The following LRP1B variants were observed in gnomAD, a reference collection of about 807,000 sequenced individuals.
The protein encoded by LRP1B is LDL receptor related protein 1B, also known as low-density lipoprotein receptor-related protein 1B.
A neutral mutation model predicts 556.6 loss-of-function variants in LRP1B; 217 were observed. The ratio of observed to expected loss-of-function variants is 0.39; its 90% CI spans 0.35 to 0.44. The LOEUF is 0.44. Among genes scored for constraint, LRP1B ranks in the 20% least tolerant of loss-of-function variants. The pLI is 1.00. For missense variants in LRP1B, 5,053 were observed against 5,620.8 expected, an observed-to-expected ratio of 0.90 and a Z score of 3.23; for synonymous variants, 2,047 against 1,865.8, an observed-to-expected ratio of 1.10 and a Z score of -2.50.
chr2:141,327,922 A>G (rs1439691499), intron 3 of LRP1B, among the ~76,000 whole-genome samples: 1 of 152,102 alleles, frequency 6.6e-6, no homozygotes, highest in Non-Finnish European at 1.5e-5. Context: ...GACCTAGTAT[A>G]TAGGTGTGCA....
intron 43 of LRP1B, among the ~76,000 whole-genome samples, chr2:140,590,634 C>A (rs1463378863): frequency 1.3e-5 from 2 of 151,980 alleles, no homozygotes; most frequent in Admixed American, 6.6e-5. Context: ...CGTGAAGACA[C>A]AGTGAGAAGA....
At chr2:140,475,403 A>G (rs1687932268) in intron 59 of LRP1B, 66 bp from the exon 60 acceptor site, 1 of 1,249,358 alleles carries the variant, frequency 8.0e-7, no homozygotes, top group Non-Finnish European at 1.1e-6. Context: ...CAAACAATAT[A>G]TTACTTTTTT....
intron 41 of LRP1B, among the ~76,000 whole-genome samples, chr2:140,612,728 A>G (rs1048529566): frequency 3.9e-5 from 6 of 152,180 alleles, no homozygotes; most frequent in Non-Finnish European, 8.8e-5. Context: ...GGCCTACCAA[A>G]CAATGAACAA....
intron 3 of LRP1B, among the ~76,000 whole-genome samples, chr2:141,376,794 T>G (rs1689455258): frequency 6.6e-6 from 1 of 152,160 alleles, no homozygotes; most frequent in Non-Finnish European, 1.5e-5. Flanking sequence ...AATATTAAAT[T>G]TTATAAAATT....
rs1369251632 is a variant in LRP1B at position 141,113,766 on chromosome 2, T to C, written c.1014-51493A>G. Among the ~76,000 whole-genome samples the C allele has an allele frequency of 2.6e-5, 4 of 152,232 alleles. No homozygotes were observed. In the South Asian group the frequency reaches 8.3e-4, roughly 32 times the overall value. ...AATTTTAAATGCAAAAAGCTATTAA[T>C]ATTTCCCCAACTTGAAAGAAGTCAT... On this transcript the variant is annotated intron_variant, in intron 7 of 90. Transcript: ENST00000389484.
intron 35 of LRP1B, among the ~76,000 whole-genome samples, chr2:140,721,516 T>C (rs1175570478): frequency 6.6e-6 from 1 of 151,230 alleles, no homozygotes; most frequent in Non-Finnish European, 1.5e-5. Flanking sequence ...ATAAATGTGT[T>C]GAATTGGATC....
At chr2:141,443,098 C>T (rs1407545672) in intron 3 of LRP1B, among the ~76,000 whole-genome samples, 3 of 152,122 alleles carry the variant, frequency 2.0e-5, no homozygotes, top group Admixed American at 2.0e-4. Flanking sequence ...TCTGTTGCTT[C>T]CCCACATTTT....
intron 2 of LRP1B, among the ~76,000 whole-genome samples, chr2:141,657,478 A>T (rs1037305110): frequency 5.3e-5 from 8 of 152,194 alleles, no homozygotes; most frequent in Middle Eastern, 3.2e-3. Context: ...TATATTCTAT[A>T]GGTATGATGA....
At chr2:140,378,092 C>T in intron 68 of LRP1B, 88 bp downstream of exon 68, 1 of 836,820 alleles carries the variant, frequency 1.2e-6, no homozygotes, top group Non-Finnish European at 1.9e-6. Context: ...TCTGAGCTGT[C>T]CTTGCCGCAC....
intron 60 of LRP1B, among the ~76,000 whole-genome samples, chr2:140,468,791 T>C (rs1047534642): frequency 5.3e-5 from 8 of 152,256 alleles, no homozygotes; most frequent in African/African-American, 1.9e-4. Context: ...TCTTGGAGCC[T>C]TAAGATTTAA....
chr2:140,844,187 G>A (rs1000135519), intron 29 of LRP1B, among the ~76,000 whole-genome samples: 5 of 151,700 alleles, frequency 3.3e-5, no homozygotes, highest in African/African-American at 7.3e-5. Flanking sequence ...TCAGCCTCCC[G>A]AGTAGCTGGG....
chr2:141,818,990 C>A (rs1014391142), intron 1 of LRP1B, among the ~76,000 whole-genome samples: 2 of 151,506 alleles, frequency 1.3e-5, no homozygotes, highest in African/African-American at 4.8e-5. Context: ...CCTGTAATCC[C>A]AGCACTTTGG....
chr2:140,345,843 T>TACAC lies in LRP1B; in HGVS notation c.11892+4950_11892+4953dup, dbSNP rs201538692. Among the ~76,000 whole-genome samples the TACAC allele has an allele frequency of 8.3e-5, 11 of 133,184 alleles. 1 individual carries two copies. Among genetic ancestry groups the TACAC allele is most frequent in the Admixed American group, 1.5e-4 (2 of 13,044 alleles). 87.4% of individuals were successfully genotyped at this position (133,184 alleles called of 152,430 possible). A position where few individuals can be genotyped will look rare whatever the true frequency, so the allele number is the denominator to read the frequency against. On this transcript the variant is annotated intron_variant, in intron 77 of 90. Transcript: ENST00000389484. Reference sequence around the variant, plus strand: ...ACATATATACATATATATATACACATACACACACACACACACACATATATA... The same window carrying TACAC: ...ACATATATACATATATATATACACATACACACACACACACACACACACATATATA...
At chr2:141,864,331 G>A (rs1698337624) in intron 1 of LRP1B, among the ~76,000 whole-genome samples, 1 of 152,170 alleles carries the variant, frequency 6.6e-6, no homozygotes, top group Non-Finnish European at 1.5e-5. Flanking sequence ...GATTAGAAAT[G>A]TGTATCTTGT....
chr2:140,245,294 C>T (rs1041238670), intron 87 of LRP1B, among the ~76,000 whole-genome samples: 3 of 151,330 alleles, frequency 2.0e-5, no homozygotes, highest in African/African-American at 4.8e-5. Context: ...CCATACAAAT[C>T]GTTGGAGACC....
At chr2:141,330,086 G>A (rs186077641) in intron 3 of LRP1B, among the ~76,000 whole-genome samples, 40 of 152,042 alleles carry the variant, frequency 2.6e-4, no homozygotes, top group Admixed American at 2.6e-3. Context: ...TTAAACTCAG[G>A]GTTGTGGGCA....
At chr2:140,870,821 A>G (rs1025544050) in intron 25 of LRP1B, among the ~76,000 whole-genome samples, 1 of 152,184 alleles carries the variant, frequency 6.6e-6, no homozygotes, top group Non-Finnish European at 1.5e-5. Flanking sequence ...TACAAAATTT[A>G]AAATTCAATT....
At chr2:140,691,299 C>T (rs1559057442) in intron 41 of LRP1B, among the ~76,000 whole-genome samples, 1 of 151,952 alleles carries the variant, frequency 6.6e-6, no homozygotes, top group Admixed American at 6.6e-5. Context: ...TGGAGAAACC[C>T]CGTCTCTACT....
chr2:140,664,461 G>C (rs74615602), intron 41 of LRP1B, among the ~76,000 whole-genome samples: 15,838 of 151,624 alleles, frequency 0.1, 966 homozygotes, highest in East Asian at 0.25. Context: ...CTCCAAAAAA[G>C]ATAAAGAAAA....
Sources: allele counts gnomAD v4.1 joint callset (sites outside exome capture counted in the v4.1 genomes callset), GRCh38; gene constraint gnomAD v4.1.1; transcripts MANE v1.5; gene names NCBI Gene and HGNC (gene_info 2026-07-23, HGNC 2026-07-21).